The following TUBAL3 variants were observed in gnomAD, a reference collection of about 807,000 sequenced individuals.
TUBAL3 encodes the protein tubulin alpha chain-like 3.
TUBAL3 carries 16 observed loss-of-function variants against 15.5 expected under a neutral mutation model. The ratio of observed to expected loss-of-function variants is 1.04; its 90% confidence interval spans 0.70 to 1.57. The LOEUF is 1.57. Among genes scored for constraint, TUBAL3 ranks in the 40% most tolerant of loss-of-function variants. The pLI, the probability that TUBAL3 is intolerant of heterozygous loss-of-function variation, is 0.00. For synonymous variants in TUBAL3, 238 were observed against 224.3 expected (o/e 1.06, Z -0.55); for missense variants, 609 against 576.2 (o/e 1.06, Z -0.58).
Position 5,394,089 on chromosome 10 carries a change from C to G in TUBAL3, c.769G>C (p.Val257Leu), listed in dbSNP as rs782678357. The stretch of plus-strand genomic sequence containing the variant: ...TTGGTCTGGAATTCAATTAGGTCTA[C>G]ATTCAAGGGCCCTTCAAACCGGAGG... ...ASLRFEGPLN[V>L]DLIEFQTNLV... The change falls in exon 4 of 4, where the codon GTA becomes CTA. Residue 257 changes from valine (V) to leucine (L), a missense_variant. By Grantham distance (32) the Val-to-Leu change is conservative. Transcript: ENST00000380419. This position sits in a 1 kb window ranked among gnomAD's most constrained non-coding sequence, Gnocchi z 4.3. 6.2e-7 allele frequency: 1 copy of G among 1,614,202 alleles called. No homozygotes were observed. Among genetic ancestry groups the G allele is most frequent in the South Asian group, 1.1e-5 (1 of 91,086 alleles).
In TUBAL3 at chr10:5,393,645, T is replaced by C. The variant is rs782790962; in HGVS notation, c.1213A>G (p.Met405Val). Residue 405 changes from methionine to valine, a missense_variant, in exon 4 of 4, where the codon ATG (methionine) becomes GTG (valine). By Grantham distance (21) the Met-to-Val change is conservative. Transcript: ENST00000380419. ...TGCAGAAATGCTCTCTTGGCGTACA[T>C]GAGGTCAAACTTGTGGTCCAGGCGG... ...WARLDHKFDL[M>V]YAKRAFLHWY... 16 of 1,614,034 alleles carry C rather than the reference T, an allele frequency of 9.9e-6. No homozygotes were observed. The highest frequency in any genetic ancestry group is 1.4e-5 in the Non-Finnish European group (16 of 1,180,024).
Position 5,396,375 on chromosome 10 carries a change from G to A in TUBAL3, c.248-900C>T, listed in dbSNP as rs1831764634. Among the ~76,000 whole-genome samples, 2 of 152,028 alleles carry A rather than the reference G, an allele frequency of 1.3e-5. No homozygotes were observed. The highest frequency in any genetic ancestry group is 4.8e-5 in the African/African-American group (2 of 41,380). ...GTACAGAAAATTAGCCAGGCATGGTGGTGGGTGCCTGTAATCCCAGCTACT... is the reference window on the plus strand; with the variant it reads ...GTACAGAAAATTAGCCAGGCATGGTAGTGGGTGCCTGTAATCCCAGCTACT... On this transcript the variant is annotated intron_variant, in intron 2 of 3. Coordinates refer to ENST00000380419, the MANE Select transcript of TUBAL3 (RefSeq NM_024803.3). The surrounding 1 kb of genome is among the most constrained non-coding windows in gnomAD (Gnocchi z 5.1).
intron 2 of TUBAL3, 142 bp downstream of exon 2, chr10:5,400,702 T>C (rs1451187513): frequency 3.2e-6 from 3 of 939,316 alleles, no homozygotes; most frequent in African/African-American, 1.6e-5. Flanking sequence ...TAATCACCCA[T>C]GGCCACTGAG....
In TUBAL3 at chr10:5,396,230, G is replaced by A. The variant is rs1831762090; in HGVS notation, c.248-755C>T. 6.6e-6 allele frequency among the ~76,000 whole-genome samples: 1 copy of A among 152,158 alleles called. No homozygotes were observed. The highest frequency in any genetic ancestry group is 1.5e-5 in the Non-Finnish European group (1 of 68,028). On this transcript the variant is annotated intron_variant, in intron 2 of 3. Coordinates refer to ENST00000380419, the MANE Select transcript of TUBAL3 (RefSeq NM_024803.3). The surrounding 1 kb of genome is among the most constrained non-coding windows in gnomAD (Gnocchi z 5.1). ...AAAGGCACACAGAAAGGCATATCCA[G>A]GGCACAGTGGCTCACACCTGTAATC... is the stretch of plus-strand genomic sequence containing the variant.
chr10:5,399,875 C>T (rs905000991), intron 2 of TUBAL3, among the ~76,000 whole-genome samples: 7 of 152,190 alleles, frequency 4.6e-5, no homozygotes, highest in African/African-American at 1.4e-4. Context: ...TGAGCCCCAC[C>T]CAAACTGTAG....
chr10:5,402,759 C>T (rs1048923792), intron 1 of TUBAL3, among the ~76,000 whole-genome samples: 3 of 152,232 alleles, frequency 2.0e-5, no homozygotes, highest in South Asian at 2.1e-4. Context: ...TTGTGAACTG[C>T]GCATGCAAGG....
At chr10:5,401,624 T>C (rs1242245470) in intron 1 of TUBAL3, among the ~76,000 whole-genome samples, 3 of 152,128 alleles carry the variant, frequency 2.0e-5, no homozygotes, top group African/African-American at 7.2e-5. Flanking sequence ...AGGATGGATA[T>C]ACTAAACTTA....
chr10:5,394,235 G>C lies in TUBAL3; in HGVS notation c.623C>G (p.Thr208Ser). ...THSTTEHTDCTFMVDNEAVYD... is the reference protein window; with the variant it reads ...THSTTEHTDCSFMVDNEAVYD... Reference sequence around the variant, plus strand: ...GACGGCCTCGTTGTCCACCATGAAGGTACAGTCCGTGTGCTCTGTGGTGGA... The same window carrying C: ...GACGGCCTCGTTGTCCACCATGAAGCTACAGTCCGTGTGCTCTGTGGTGGA... Residue 208 changes from threonine (T) to serine (S), a missense_variant, in exon 4 of 4, where the codon ACC becomes AGC. By Grantham distance (58) the Thr-to-Ser change is moderately conservative. Coordinates refer to ENST00000380419, the MANE Select transcript of TUBAL3 (RefSeq NM_024803.3). The surrounding 1 kb of genome is among the most constrained non-coding windows in gnomAD (Gnocchi z 4.3). 6.2e-7 allele frequency: 1 copy of C among 1,614,180 alleles called. No individual in the cohort carries two copies. The highest frequency in any genetic ancestry group is 1.7e-5 in the Admixed American group (1 of 60,014).
chr10:5,399,951 G>T (rs1009277193), intron 2 of TUBAL3, among the ~76,000 whole-genome samples: 1 of 152,060 alleles, frequency 6.6e-6, no homozygotes, highest in East Asian at 1.9e-4. Context: ...TTTATTACAC[G>T]CCAACAAATA....
chr10:5,394,188 G>C lies in TUBAL3; in HGVS notation c.670C>G (p.Leu224Val). The change falls in exon 4 of 4, where the codon CTC becomes GTC. Residue 224 changes from leucine (L) to valine (V), a missense_variant. Coordinates refer to ENST00000380419, the MANE Select transcript of TUBAL3 (RefSeq NM_024803.3). This position sits in a 1 kb window ranked among gnomAD's most constrained non-coding sequence, Gnocchi z 4.3. ...EAVYDICHRK[L>V]GVECPSHASI... ...GCATGAGAGGGGCATTCAACACCGA[G>C]TTTACGATGGCATATATCATAGACG... The C allele has an allele frequency of 6.2e-7, 1 of 1,614,190 alleles. No individual in the cohort carries two copies. Among genetic ancestry groups the C allele is most frequent in the Non-Finnish European group, 8.5e-7 (1 of 1,180,044 alleles).
chr10:5,401,353 G>A (rs954624747), intron 1 of TUBAL3, among the ~76,000 whole-genome samples: 2 of 152,108 alleles, frequency 1.3e-5, no homozygotes, highest in Non-Finnish European at 2.9e-5. Context: ...ACTTGGCTAA[G>A]AATTGAATTA....
intron 1 of TUBAL3, among the ~76,000 whole-genome samples, chr10:5,402,832 T>C (rs1831877471): frequency 6.6e-6 from 1 of 152,198 alleles, no homozygotes; most frequent in Non-Finnish European, 1.5e-5. Flanking sequence ...GGTGGAACAG[T>C]TTCATCCAGA....
chr10:5,402,712 G>A (rs555647317), intron 1 of TUBAL3, among the ~76,000 whole-genome samples: 1 of 152,354 alleles, frequency 6.6e-6, no homozygotes, highest in South Asian at 2.1e-4. Context: ...TGTCGGATCA[G>A]CGGCAGCATT....
In TUBAL3 at chr10:5,400,996, G is replaced by A. The variant is rs782141044; in HGVS notation, c.95C>T (p.Pro32Leu). Residue 32 changes from proline to leucine, a missense_variant, in exon 2 of 4, where the codon CCA (proline) becomes CTA (leucine). Coordinates refer to ENST00000380419, the MANE Select transcript of TUBAL3 (RefSeq NM_024803.3). ...TTGAGTGTCAAGAACAACGCCATTT[G>A]GCTGGATTCCATGTTCCAGGCAATA... ...ELYCLEHGIQ[P>L]NGVVLDTQQD... 27 of 1,614,024 alleles carry A rather than the reference G, an allele frequency of 1.7e-5. No individual in the cohort carries two copies. In the South Asian group the frequency reaches 3.0e-4, roughly 18 times the overall value.
chr10:5,398,370 C>G (rs1337403711), intron 2 of TUBAL3, among the ~76,000 whole-genome samples: 2 of 139,152 alleles, frequency 1.4e-5, no homozygotes, highest in African/African-American at 5.5e-5. Context: ...CAGTGAGCAG[C>G]GATAGTGCCA....
Position 5,394,033 on chromosome 10 carries a change from G to A in TUBAL3, c.825C>T (p.Pro275=), listed in dbSNP as rs1831720622. ...NLVPYPRIHF[P]MTAFAPIVSA... ...AGACGATGGGGGCGAAGGCTGTCAT[G>A]GGGAAATGTATTCTCGGATAAGGTA... Residue 275 remains proline (P), a synonymous_variant, in exon 4 of 4, where the codon CCC becomes CCT. Transcript: ENST00000380419. The surrounding 1 kb of genome is among the most constrained non-coding windows in gnomAD (Gnocchi z 4.3). The A allele has an allele frequency of 6.2e-7, 1 of 1,614,180 alleles. No homozygotes were observed. Among genetic ancestry groups the A allele is most frequent in the Non-Finnish European group, 8.5e-7 (1 of 1,180,018 alleles).
chr10:5,393,761 G>A lies in TUBAL3; in HGVS notation c.1097C>T (p.Pro366Leu), dbSNP rs151094531. ...GTCCCCACCCGGCATCACCGTGGGC[G>A]GCCGATTGTTGATGCCCACCTTGAA... ...TGFKVGINNR[P>L]PTVMPGGDLA... The change falls in exon 4 of 4, where the codon CCG (proline) becomes CTG (leucine). Residue 366 changes from proline to leucine, a missense_variant. Coordinates refer to ENST00000380419, the MANE Select transcript of TUBAL3 (RefSeq NM_024803.3). 2.4e-4 allele frequency: 387 copies of A among 1,614,192 alleles called. 1 individual carries two copies. The African/African-American group carries it at 4.0e-3, about 17-fold the overall frequency.
At position 5,394,449 on chromosome 10, in the gene TUBAL3, C is replaced by T. The variant is rs1554813905; in HGVS notation, c.409G>A (p.Gly137Ser). The T allele has an allele frequency of 6.2e-7, 1 of 1,605,938 alleles. No individual in the cohort carries two copies. Among genetic ancestry groups the T allele is most frequent in the East Asian group, 2.2e-5 (1 of 44,828 alleles). ...AAAATCAAAAATCCCTGAAGTCCAC[C>T]ACACTGTTCTGCCTGGAGAAAGTAA... ...ERTRKLAEQC[G>S]GLQGFLIFRS... Residue 137 changes from glycine (G) to serine (S), a missense_variant, in exon 4 of 4, where the codon GGT (glycine) becomes AGT (serine). Transcript: ENST00000380419. The surrounding 1 kb of genome is among the most constrained non-coding windows in gnomAD (Gnocchi z 4.3).
chr10:5,398,167 T>A (rs1831793764), intron 2 of TUBAL3, among the ~76,000 whole-genome samples: 1 of 152,070 alleles, frequency 6.6e-6, no homozygotes, highest in Non-Finnish European at 1.5e-5. Flanking sequence ...TTGCCTATAA[T>A]CCCAGTAGTT....
Sources: gnomAD v4.1 joint callset for allele counts (sites outside exome capture counted in the v4.1 genomes callset) on GRCh38, gnomAD v4.1.1 for gene constraint, Gnocchi (gnomAD v3.1) non-coding constraint, MANE v1.5 for transcripts, NCBI Gene and HGNC (gene_info 2026-07-23, HGNC 2026-07-21) for gene names.